LMBR1: variants seen among roughly 807,000 people sequenced by gnomAD.
LMBR1 encodes the protein limb region 1 protein homolog.
A neutral mutation model predicts 73.9 loss-of-function variants in LMBR1; 52 were observed. The ratio of observed to expected loss-of-function variants is 0.70; its 90% CI spans 0.56 to 0.89. The LOEUF (loss-of-function observed/expected upper bound fraction) is 0.89, where lower values mean the gene tolerates loss of function less well. LMBR1 is among the 40% of genes least tolerant of loss of function. The pLI is 0.00. For missense variants in LMBR1, 539 were observed against 579.8 expected (o/e 0.93, Z 0.72); for synonymous variants, 215 against 209.4 (o/e 1.03, Z -0.23).
intron 1 of LMBR1, among the ~76,000 whole-genome samples, chr7:156,862,375 A>G (rs1039997755): frequency 2.6e-5 from 4 of 152,140 alleles, no homozygotes; most frequent in African/African-American, 9.7e-5. Context: ...CCCACGACAC[A>G]TGAGAATTGT....
chr7:156,860,142 T>C lies in LMBR1; in HGVS notation c.67-23257A>G, dbSNP rs117081936. ...AAAATTAACTCAAAATAGATTGTAT[T>C]AGTCTGTTTTCACACTGCCGATAAA... is the stretch of plus-strand genomic sequence containing the variant. On this transcript the variant is annotated intron_variant, in intron 1 of 16. Transcript: ENST00000353442. Among the ~76,000 whole-genome samples the C allele has an allele frequency of 5.8e-3, 882 of 152,308 alleles. 3 individuals are homozygous for C. The highest frequency in any genetic ancestry group is 8.5e-3 in the Non-Finnish European group (579 of 68,034).
chr7:156,710,396 A>G (rs1381088529), intron 15 of LMBR1, among the ~76,000 whole-genome samples: 9 of 152,246 alleles, frequency 5.9e-5, no homozygotes, highest in African/African-American at 2.2e-4. Flanking sequence ...GAAAGTTTCA[A>G]CGATAGACTG....
downstream of LMBR1, chr7:156,676,960 C>G: frequency 3.4e-6 from 1 of 291,472 alleles, no homozygotes; most frequent in Admixed American, 4.6e-5. Context: ...CTGAACGACA[C>G]TCCTTAAAGT....
rs965045891 is a variant in LMBR1, at chr7:156,680,389, AGAGAGAGAGAGAGAGT to A, written c.*3673_*3688del. Reference sequence around the variant, plus strand: ...GTATCTGAGAGACAGAGAGAGAGAGAGAGAGAGAGAGAGAGTGTGTGTGTGTGTGTGTGTGTAATGG... The same window carrying A: ...GTATCTGAGAGACAGAGAGAGAGAGAGTGTGTGTGTGTGTGTGTGTAATGG... On this transcript the variant is annotated 3_prime_UTR_variant, in exon 17 of 17. Coordinates refer to ENST00000353442, the MANE Select transcript of LMBR1 (RefSeq NM_022458.4). The A allele has an allele frequency of 2.1e-5, 3 of 141,830 alleles. No homozygotes were observed. The highest frequency in any genetic ancestry group is 8.4e-5 in the African/African-American group (3 of 35,902). 8.8% of individuals were successfully genotyped at this position (141,830 alleles called of 1,614,324 possible).
At chr7:156,756,291 C>T in intron 9 of LMBR1, 102 bp downstream of exon 9, 2 of 652,854 alleles carry the variant, frequency 3.1e-6, no homozygotes, top group Non-Finnish European at 5.4e-6. Context: ...CTTGTAGCAG[C>T]ACAAGATTCA....
intron 9 of LMBR1, among the ~76,000 whole-genome samples, chr7:156,751,299 G>A (rs1006879940): frequency 3.3e-5 from 5 of 152,190 alleles, no homozygotes; most frequent in Non-Finnish European, 7.3e-5. Context: ...TCACTCCAGA[G>A]TGGGGGAAAG....
At chr7:156,700,565 A>C (rs557128175) in intron 15 of LMBR1, among the ~76,000 whole-genome samples, 1 of 152,264 alleles carries the variant, frequency 6.6e-6, no homozygotes, top group East Asian at 1.9e-4. Flanking sequence ...TTAAAAAAAA[A>C]TCATCTTTGC....
chr7:156,820,806 C>G (rs982347057), intron 4 of LMBR1, among the ~76,000 whole-genome samples: 1 of 152,182 alleles, frequency 6.6e-6, no homozygotes, highest in African/African-American at 2.4e-5. Context: ...AGGGAAGGCT[C>G]TGCGGCAGCT....
intron 4 of LMBR1, among the ~76,000 whole-genome samples, chr7:156,808,313 G>A (rs1832501264): frequency 6.6e-6 from 1 of 152,042 alleles, no homozygotes; most frequent in African/African-American, 2.4e-5. Flanking sequence ...TAGGCTCTTT[G>A]GGTGAACAAA....
chr7:156,769,987 G>A (rs771770252), intron 5 of LMBR1, among the ~76,000 whole-genome samples: 2 of 152,016 alleles, frequency 1.3e-5, no homozygotes, highest in Non-Finnish European at 2.9e-5. Context: ...CATGCAGACC[G>A]CCTCTCCTGA....
chr7:156,891,212 ATATATATATATAT>A (rs1336473322), intron 1 of LMBR1, among the ~76,000 whole-genome samples: 11 of 44,428 alleles, frequency 2.5e-4, no homozygotes, highest in African/African-American at 3.6e-4. Context: ...AAAAAAAAAA[ATATATATATATAT>A]ATATATATAC....
chr7:156,799,416 C>T (rs947020225), intron 4 of LMBR1, among the ~76,000 whole-genome samples: 6 of 152,142 alleles, frequency 3.9e-5, no homozygotes, highest in African/African-American at 1.4e-4. Context: ...ACTATTATTA[C>T]ATCTGTTATG....
intron 1 of LMBR1, among the ~76,000 whole-genome samples, chr7:156,875,906 T>TG (rs1800093717): frequency 7.1e-6 from 1 of 141,276 alleles, no homozygotes; most frequent in Non-Finnish European, 1.6e-5. Context: ...AAAATACAAT[T>TG]AAAAAAAAAA....
intron 9 of LMBR1, among the ~76,000 whole-genome samples, chr7:156,737,367 TA>T (rs1180795844): frequency 6.6e-6 from 1 of 152,228 alleles, no homozygotes; most frequent in Non-Finnish European, 1.5e-5. Context: ...ATTTCCCTTT[TA>T]AACTATGTAG....
At chr7:156,855,020 G>A (rs1406991238) in intron 1 of LMBR1, among the ~76,000 whole-genome samples, 7 of 151,888 alleles carry the variant, frequency 4.6e-5, no homozygotes, top group Admixed American at 1.3e-4. Context: ...CATCGTATCC[G>A]GCTTCCCACA....
chr7:156,705,342 G>C (rs2132110406), intron 15 of LMBR1, among the ~76,000 whole-genome samples: 1 of 152,324 alleles, frequency 6.6e-6, no homozygotes, highest in Admixed American at 6.5e-5. Flanking sequence ...TGGATGGGTT[G>C]AGCCCAGGAG....
intron 1 of LMBR1, among the ~76,000 whole-genome samples, chr7:156,864,779 CGAGGTCAA>C (rs1798216726): frequency 1.3e-5 from 2 of 151,928 alleles, no homozygotes; most frequent in African/African-American, 4.8e-5. Context: ...GGGTGGATCA[CGAGGTCAA>C]GAGTTCGAGA....
At chr7:156,800,062 T>A (rs1248550093) in intron 4 of LMBR1, among the ~76,000 whole-genome samples, 1 of 152,190 alleles carries the variant, frequency 6.6e-6, no homozygotes, top group African/African-American at 2.4e-5. Flanking sequence ...AACATAAAAG[T>A]GCAAGGTGAA....
At position 156,683,862 on chromosome 7, in the gene LMBR1, A is replaced by C; in HGVS notation, c.*216T>G. The C allele has an allele frequency of 1.9e-6, 1 of 517,394 alleles. No homozygotes were observed. 32.1% of individuals were successfully genotyped at this position (517,394 alleles called of 1,614,324 possible). ...TTCTATATGTCTGTAAGGAATCTGCACTTAACTGGAAACTACAGGGTCCAT... is the reference window on the plus strand; with the variant it reads ...TTCTATATGTCTGTAAGGAATCTGCCCTTAACTGGAAACTACAGGGTCCAT... On this transcript the variant is annotated 3_prime_UTR_variant, in exon 17 of 17. Transcript: ENST00000353442.
Sources: allele counts gnomAD v4.1 joint callset (sites outside exome capture counted in the v4.1 genomes callset), GRCh38; gene constraint gnomAD v4.1.1; transcripts MANE v1.5; gene names NCBI Gene and HGNC (gene_info 2026-07-23, HGNC 2026-07-21).